The following PCDH9 variants were observed in gnomAD, a reference collection of about 807,000 sequenced individuals.
PCDH9 encodes protocadherin-9.
Under a neutral mutation model 70.6 loss-of-function variants are expected in PCDH9, and 24 were observed. The observed-to-expected ratio is 0.34, with a 90% CI of 0.25 to 0.48. The LOEUF is 0.48. Among genes scored for constraint, PCDH9 ranks in the 20% least tolerant of loss-of-function variants. PCDH9 has a pLI of 0.99. For synonymous variants in PCDH9, 562 were observed against 558.5 expected, an observed-to-expected ratio of 1.01 and a Z score of -0.09; for missense variants, 1,281 against 1,503.6, an observed-to-expected ratio of 0.85 and a Z score of 2.45.
At chr13:66,754,206 C>T (rs1387286616) in intron 3 of PCDH9, among the ~76,000 whole-genome samples, 2 of 151,966 alleles carry the variant, frequency 1.3e-5, no homozygotes, top group African/African-American at 2.4e-5. Context: ...GGGAACATCA[C>T]GCACCTGTCA....
At chr13:66,819,684 G>A (rs1189250437) in intron 3 of PCDH9, among the ~76,000 whole-genome samples, 2 of 152,142 alleles carry the variant, frequency 1.3e-5, no homozygotes, top group Non-Finnish European at 2.9e-5. Flanking sequence ...GAGGTCAGGA[G>A]TTAGACACCA....
In PCDH9 at chr13:67,195,203, T is replaced by C. The variant is rs2089027929; in HGVS notation, c.3036+30202A>G. Among the ~76,000 whole-genome samples, 3 of 151,958 alleles carry C rather than the reference T, an allele frequency of 2.0e-5. No homozygotes were observed. In the East Asian group the frequency reaches 5.8e-4, roughly 29 times the overall value. ...CTCTTTCGCCCAGGCTGGAGTTCAG[T>C]GGCGCGATCTCAGCTCACTGCAAGC... On this transcript the variant is annotated intron_variant, in intron 2 of 4. Coordinates refer to ENST00000377865, the MANE Select transcript of PCDH9 (RefSeq NM_203487.3).
intron 2 of PCDH9, chr13:67,225,043 AG>A: frequency 1.9e-6 from 2 of 1,072,106 alleles, no homozygotes; most frequent in Non-Finnish European, 2.3e-6. Flanking sequence ...TCAAAAGGTA[AG>A]GTGAAAGTCT....
At chr13:66,319,984 G>A (rs1955724732) in intron 4 of PCDH9, among the ~76,000 whole-genome samples, 1 of 151,882 alleles carries the variant, frequency 6.6e-6, no homozygotes, top group African/African-American at 2.4e-5. Flanking sequence ...ATTACCTATA[G>A]GTAATATGCA....
chr13:66,549,664 A>C (rs1961389777), intron 4 of PCDH9, among the ~76,000 whole-genome samples: 1 of 152,162 alleles, frequency 6.6e-6, no homozygotes, highest in Non-Finnish European at 1.5e-5. Context: ...AATTTGATCT[A>C]AATATTAGGT....
At chr13:66,624,768 G>C (rs2077476555) in intron 4 of PCDH9, among the ~76,000 whole-genome samples, 1 of 152,134 alleles carries the variant, frequency 6.6e-6, no homozygotes, top group Admixed American at 6.5e-5. Flanking sequence ...AAATATGCTT[G>C]CTATATACAA....
chr13:66,797,960 GGTGTGTGTGT>G (rs368524616), intron 3 of PCDH9, among the ~76,000 whole-genome samples: 6 of 147,166 alleles, frequency 4.1e-5, no homozygotes, highest in African/African-American at 1.5e-4. Context: ...TTTCTTGGGG[GGTGTGTGTGT>G]GTGTGTGTGT....
chr13:66,794,376 CA>C lies in PCDH9; in HGVS notation c.3138+109127del, dbSNP rs555862095. On this transcript the variant is annotated intron_variant, in intron 3 of 4. Transcript: ENST00000377865. ...ATTAATACACACCAATTTAGATTTT[CA>C]GTTACTTAGGTTTGAAGAATTAGCT... Among the ~76,000 whole-genome samples, 51 of 152,228 alleles carry C rather than the reference CA, an allele frequency of 3.4e-4. 2 individuals carry two copies. In the South Asian group the frequency reaches 0.011, roughly 32 times the overall value.
intron 2 of PCDH9, among the ~76,000 whole-genome samples, chr13:67,066,233 G>A (rs2085644744): frequency 6.6e-6 from 1 of 151,832 alleles, no homozygotes; most frequent in Admixed American, 6.6e-5. Context: ...CCATAATTTG[G>A]GTCAGCTTTT....
At chr13:66,424,472 C>A (rs2138357875) in intron 4 of PCDH9, among the ~76,000 whole-genome samples, 1 of 152,024 alleles carries the variant, frequency 6.6e-6, no homozygotes, top group South Asian at 2.1e-4. Flanking sequence ...AGAACACAAG[C>A]AACAAGTGAC....
At chr13:67,185,850 G>A (rs1386495535) in intron 2 of PCDH9, among the ~76,000 whole-genome samples, 7 of 152,108 alleles carry the variant, frequency 4.6e-5, no homozygotes, top group South Asian at 2.1e-4. Context: ...CTCCTGCTTC[G>A]GCCTCCCAAG....
chr13:66,511,657 C>G (rs1009126189), intron 4 of PCDH9, among the ~76,000 whole-genome samples: 5 of 152,010 alleles, frequency 3.3e-5, no homozygotes, highest in Admixed American at 1.3e-4. Flanking sequence ...TCATATTTCT[C>G]AGGAATATTT....
rs17791019 is a variant in PCDH9 at position 66,991,303 on chromosome 13, A to T, written c.3037-87698T>A. ...GAGACACATTTTTTTTTTCCATTGC[A>T]GTGGACAAGAGCAAGGCTAGTGGAC... is the stretch of plus-strand genomic sequence containing the variant. On this transcript the variant is annotated intron_variant, in intron 2 of 4. Coordinates refer to ENST00000377865, the MANE Select transcript of PCDH9 (RefSeq NM_203487.3). Among the ~76,000 whole-genome samples, 1,392 of 152,054 alleles carry T rather than the reference A, an allele frequency of 9.2e-3. 14 individuals are homozygous for T. Among genetic ancestry groups the T allele is most frequent in the Middle Eastern group, 0.017 (5 of 294 alleles).
intron 3 of PCDH9, among the ~76,000 whole-genome samples, chr13:66,780,115 A>G (rs901785836): frequency 7.9e-5 from 12 of 151,904 alleles, no homozygotes; most frequent in African/African-American, 2.9e-4. Context: ...TAGGCACACA[A>G]GAAAGGGGTA....
intron 2 of PCDH9, chr13:67,223,606 T>G (rs539278481): frequency 1.4e-3 from 211 of 152,262 alleles, no homozygotes; most frequent in Non-Finnish European, 2.4e-3. Context: ...TAAATTACTT[T>G]TCTTATCATA....
intron 2 of PCDH9, among the ~76,000 whole-genome samples, chr13:67,100,331 G>C (rs1413114277): frequency 6.6e-6 from 1 of 152,088 alleles, no homozygotes; most frequent in Non-Finnish European, 1.5e-5. Flanking sequence ...CTGTGCAATG[G>C]TCTTATAGGG....
chr13:66,778,989 G>T (rs1391584509), intron 3 of PCDH9, among the ~76,000 whole-genome samples: 1 of 151,958 alleles, frequency 6.6e-6, no homozygotes, highest in African/African-American at 2.4e-5. Context: ...ATTCATTCAG[G>T]ATTTGACCAT....
chr13:66,998,311 T>C (rs913025660), intron 2 of PCDH9, among the ~76,000 whole-genome samples: 1 of 152,222 alleles, frequency 6.6e-6, no homozygotes, highest in Non-Finnish European at 1.5e-5. Context: ...AATAGCAATG[T>C]GTCAACCAAT....
At chr13:66,845,022 G>A (rs2081182207) in intron 3 of PCDH9, among the ~76,000 whole-genome samples, 1 of 152,062 alleles carries the variant, frequency 6.6e-6, no homozygotes, top group Non-Finnish European at 1.5e-5. Flanking sequence ...GGGGAAAAGT[G>A]TATGCTGACT....
Sources: gnomAD v4.1 joint callset for allele counts (sites outside exome capture counted in the v4.1 genomes callset) on GRCh38, gnomAD v4.1.1 for gene constraint, MANE v1.5 for transcripts, NCBI Gene and HGNC (gene_info 2026-07-23, HGNC 2026-07-21) for gene names.